Variants in SPAG16 observed in about 807,000 individuals in gnomAD.
The protein encoded by SPAG16 is sperm associated antigen 16.
SPAG16 carries 86 observed loss-of-function variants against 80.4 expected under a neutral mutation model. That is an observed-to-expected ratio of 1.07 (90% CI 0.90 to 1.28). SPAG16 has a LOEUF of 1.28. Ranked by LOEUF, SPAG16 falls within the 50% of genes most tolerant of loss-of-function variation. The pLI is 0.00. For synonymous variants in SPAG16, 294 were observed against 265.9 expected (o/e 1.11, Z -1.03); for missense variants, 870 against 765.3 (o/e 1.14, Z -1.61).
chr2:214,270,705 T>A (rs1024363339), intron 15 of SPAG16, among the ~76,000 whole-genome samples: 3 of 152,146 alleles, frequency 2.0e-5, no homozygotes, highest in African/African-American at 7.2e-5. Context: ...TATGCTTGAT[T>A]AGTCCCGTGG....
chr2:214,330,290 A>AG (rs200194656), intron 15 of SPAG16, among the ~76,000 whole-genome samples: 1 of 151,520 alleles, frequency 6.6e-6, no homozygotes, highest in African/African-American at 2.4e-5. Context: ...AAAAAAAAAA[A>AG]GGAAAAGAAA....
intron 7 of SPAG16, among the ~76,000 whole-genome samples, chr2:213,360,577 T>C (rs905600387): frequency 6.6e-6 from 1 of 152,244 alleles, no homozygotes; most frequent in African/African-American, 2.4e-5. Context: ...GGAAACTGTT[T>C]GTGTACCCTT....
intron 10 of SPAG16, among the ~76,000 whole-genome samples, chr2:213,624,735 T>C (rs968099560): frequency 6.6e-6 from 1 of 152,202 alleles, no homozygotes; most frequent in Non-Finnish European, 1.5e-5. Flanking sequence ...ATTCATACAC[T>C]TCCTCTGTAC....
At chr2:213,904,396 G>A (rs975858837) in intron 11 of SPAG16, among the ~76,000 whole-genome samples, 7 of 152,052 alleles carry the variant, frequency 4.6e-5, no homozygotes, top group African/African-American at 1.4e-4. Flanking sequence ...AGATGCAAAA[G>A]CGGAAACCCA....
At chr2:213,417,794 A>G (rs1254739578) in intron 9 of SPAG16, among the ~76,000 whole-genome samples, 1 of 152,146 alleles carries the variant, frequency 6.6e-6, no homozygotes, top group South Asian at 2.1e-4. Context: ...TGTATATGTA[A>G]TCATGTCAAT....
intron 7 of SPAG16, among the ~76,000 whole-genome samples, chr2:213,354,088 ATGTGTTCTCAT>A (rs1575328721): frequency 6.6e-6 from 1 of 152,022 alleles, no homozygotes; most frequent in East Asian, 1.9e-4. Context: ...CCCTGTGTCC[ATGTGTTCTCAT>A]TGTTCGTTTC....
intron 9 of SPAG16, among the ~76,000 whole-genome samples, chr2:213,380,180 ATGCAAAG>A (rs533069352): frequency 1.2e-4 from 19 of 152,278 alleles, no homozygotes; most frequent in African/African-American, 4.3e-4. Context: ...TTCTCCTTCC[ATGCAAAG>A]TGCACAACCA....
Position 213,895,721 on chromosome 2 carries a change from T to G in SPAG16, c.1214+33093T>G, listed in dbSNP as rs150522813. On this transcript the variant is annotated intron_variant, in intron 11 of 15. Transcript: ENST00000331683. The stretch of plus-strand genomic sequence containing the variant: ...ATTTAATAAATGGTACTGGGAAAAC[T>G]ATATAATTATGTAGAAGAATAAAAC... Among the ~76,000 whole-genome samples the G allele has an allele frequency of 1.3e-4, 20 of 152,206 alleles. No homozygotes were observed. In the East Asian group the frequency reaches 3.7e-3, roughly 28 times the overall value.
intron 10 of SPAG16, among the ~76,000 whole-genome samples, chr2:213,813,624 A>G (rs1438373335): frequency 5.9e-5 from 9 of 152,298 alleles, no homozygotes; most frequent in Middle Eastern, 3.4e-3. Flanking sequence ...TTGTCTGCCA[A>G]TGAAAGAGGA....
intron 10 of SPAG16, among the ~76,000 whole-genome samples, chr2:213,680,132 G>A (rs1354205166): frequency 6.6e-6 from 1 of 152,162 alleles, no homozygotes; most frequent in African/African-American, 2.4e-5. Context: ...AGTGTCAAGA[G>A]AGCAGGGTGA....
At position 214,091,054 on chromosome 2, in the gene SPAG16, A is replaced by T. The variant is rs185375294; in HGVS notation, c.1528-17142A>T. ...TAAATGTTTCATGTGTGATAAAAAT[A>T]GAAAAAGGAAATCTGTGATACATAA... On this transcript the variant is annotated intron_variant, in intron 13 of 15. Coordinates refer to ENST00000331683, the MANE Select transcript of SPAG16 (RefSeq NM_024532.5). Among the ~76,000 whole-genome samples, 6 of 152,190 alleles carry T rather than the reference A, an allele frequency of 3.9e-5. No individual in the cohort carries two copies. In the East Asian group the frequency reaches 1.2e-3, roughly 29 times the overall value.
At position 213,828,394 on chromosome 2, in the gene SPAG16, T is replaced by C. The variant is rs538807359; in HGVS notation, c.1071-34091T>C. On this transcript the variant is annotated intron_variant, in intron 10 of 15. Coordinates refer to ENST00000331683, the MANE Select transcript of SPAG16 (RefSeq NM_024532.5). The stretch of plus-strand genomic sequence containing the variant: ...TTTCTTTATTATTTCAATTTCTTTG[T>C]TAAATGTATTTGATAGGATTCTGAA... Among the ~76,000 whole-genome samples, 39 of 152,312 alleles carry C rather than the reference T, an allele frequency of 2.6e-4. 1 individual carries two copies. The highest frequency in any genetic ancestry group is 8.9e-4 in the African/African-American group (37 of 41,588).
chr2:213,489,879 G>C, intron 9 of SPAG16, 84 bp from the exon 10 acceptor site: 1 of 1,071,494 alleles, frequency 9.3e-7, no homozygotes, highest in Non-Finnish European at 1.3e-6. Context: ...TGTTTATGTT[G>C]TAATTTAATA....
chr2:213,700,464 A>G (rs1049056847), intron 10 of SPAG16, among the ~76,000 whole-genome samples: 1 of 152,138 alleles, frequency 6.6e-6, no homozygotes, highest in Admixed American at 6.5e-5. Flanking sequence ...GAATATTACA[A>G]TTTCTTGAGT....
At chr2:213,360,521 C>T (rs2065916334) in intron 7 of SPAG16, among the ~76,000 whole-genome samples, 1 of 152,228 alleles carries the variant, frequency 6.6e-6, no homozygotes, top group African/African-American at 2.4e-5. Context: ...TGTCAGCTCT[C>T]CAGGTGTGTC....
chr2:214,215,665 T>C (rs935855062), intron 15 of SPAG16, among the ~76,000 whole-genome samples: 6 of 152,162 alleles, frequency 3.9e-5, no homozygotes, highest in South Asian at 2.1e-4. Context: ...AAGTGTTCTT[T>C]GTAACTCTTT....
intron 15 of SPAG16, among the ~76,000 whole-genome samples, chr2:214,195,404 G>A (rs187093458): frequency 1.4e-4 from 21 of 152,012 alleles, no homozygotes; most frequent in Admixed American, 1.4e-3. Context: ...ATTTTACAAA[G>A]ATTACTCTAA....
At chr2:214,284,388 AT>A (rs1465692616) in intron 15 of SPAG16, among the ~76,000 whole-genome samples, 1 of 152,174 alleles carries the variant, frequency 6.6e-6, no homozygotes, top group African/African-American at 2.4e-5. Context: ...TATACATAGC[AT>A]CTAGCACCAA....
At chr2:213,735,730 C>T (rs925612216) in intron 10 of SPAG16, among the ~76,000 whole-genome samples, 1 of 152,190 alleles carries the variant, frequency 6.6e-6, no homozygotes, top group South Asian at 2.1e-4. Flanking sequence ...TATGTTCCAT[C>T]TCTGTGTTTA....
Sources: allele counts gnomAD v4.1 joint callset (sites outside exome capture counted in the v4.1 genomes callset), GRCh38; gene constraint gnomAD v4.1.1; transcripts MANE v1.5; gene names NCBI Gene and HGNC (gene_info 2026-07-23, HGNC 2026-07-21).